The following CACNA1E variants were observed in gnomAD, a reference collection of about 807,000 sequenced individuals.
CACNA1E encodes the protein voltage-dependent R-type calcium channel subunit alpha-1E.
CACNA1E carries 40 observed loss-of-function variants against 259.2 expected under a neutral mutation model. The ratio of observed to expected loss-of-function variants is 0.15; its 90% CI spans 0.12 to 0.20. The LOEUF (loss-of-function observed/expected upper bound fraction) is 0.20. CACNA1E is among the 10% of genes least tolerant of loss of function. The pLI, the probability that CACNA1E is intolerant of heterozygous loss-of-function variation, is 1.00. For synonymous variants in CACNA1E, 1,104 were observed against 1,138.5 expected, an observed-to-expected ratio of 0.97 and a Z score of 0.61; for missense variants, 1,874 against 3,040.1, an observed-to-expected ratio of 0.62 and a Z score of 9.02.
chr1:181,606,495 A>G (rs550518620), intron 6 of CACNA1E, among the ~76,000 whole-genome samples: 8 of 152,258 alleles, frequency 5.3e-5, no homozygotes, highest in African/African-American at 1.9e-4. Context: ...TGACCTGGCC[A>G]CCATCTTCTT....
intron 6 of CACNA1E, among the ~76,000 whole-genome samples, chr1:181,619,341 G>C (rs1655516299): frequency 6.6e-6 from 1 of 152,104 alleles, no homozygotes; most frequent in South Asian, 2.1e-4. Context: ...AGAAAGAACA[G>C]CAAGTGTGAA....
At chr1:181,635,306 T>C (rs746614342) in intron 6 of CACNA1E, among the ~76,000 whole-genome samples, 14 of 152,164 alleles carry the variant, frequency 9.2e-5, no homozygotes, top group Non-Finnish European at 1.5e-4. Flanking sequence ...CCTGTTGCTA[T>C]GGCAGCAACC....
At chr1:181,339,288 A>G (rs1326800379) in intron 1 of CACNA1E, among the ~76,000 whole-genome samples, 6 of 152,086 alleles carry the variant, frequency 3.9e-5, no homozygotes, top group Non-Finnish European at 5.9e-5. Flanking sequence ...CTTCTAACCC[A>G]GAAACATGGG....
chr1:181,545,100 C>CA (rs372014673), intron 3 of CACNA1E, among the ~76,000 whole-genome samples: 44 of 146,620 alleles, frequency 3.0e-4, no homozygotes, highest in East Asian at 5.9e-4. Flanking sequence ...ATTTCAGCTC[C>CA]AAAAAAAAAA....
chr1:181,582,413 T>C (rs983760409), intron 6 of CACNA1E, among the ~76,000 whole-genome samples: 1 of 152,224 alleles, frequency 6.6e-6, no homozygotes, highest in Non-Finnish European at 1.5e-5. Flanking sequence ...CCTCTAGGAA[T>C]TGCAGCACTG....
chr1:181,717,394 C>A (rs2102462606), intron 11 of CACNA1E, 92 bp downstream of exon 11: 2 of 1,049,036 alleles, frequency 1.9e-6, no homozygotes, highest in South Asian at 1.3e-5. Flanking sequence ...AAGCACCCTG[C>A]TAGGAAAGGT....
In CACNA1E at chr1:181,558,642, C is replaced by T. The variant is rs138386487; in HGVS notation, c.513-19124C>T. Among the ~76,000 whole-genome samples the T allele has an allele frequency of 6.7e-3, 1,019 of 152,144 alleles. 8 individuals are homozygous for T. Among genetic ancestry groups the T allele is most frequent in the Admixed American group, 9.5e-3 (145 of 15,270 alleles). On this transcript the variant is annotated intron_variant, in intron 3 of 47. Coordinates refer to ENST00000367573, the MANE Select transcript of CACNA1E (RefSeq NM_001205293.3). Reference sequence around the variant, plus strand: ...GTTCAGGTGACTGGAGGGTGGCAGGCGGAGGCGTGGCAAGAGGCTGGAAGA... The same window carrying T: ...GTTCAGGTGACTGGAGGGTGGCAGGTGGAGGCGTGGCAAGAGGCTGGAAGA...
At chr1:181,537,089 T>C (rs7527782) in intron 3 of CACNA1E, among the ~76,000 whole-genome samples, 47,690 of 90,606 alleles carry the variant, frequency 0.53, 8,519 homozygotes, top group African/African-American at 0.56. Flanking sequence ...GGTTTCTTTT[T>C]CTTTTCTTTT....
intron 14 of CACNA1E, 138 bp downstream of exon 14, chr1:181,720,475 G>A (rs1232692124): frequency 1.0e-5 from 9 of 887,730 alleles, no homozygotes; most frequent in Non-Finnish European, 1.5e-5. Flanking sequence ...CACTGAGTGA[G>A]TTCATATGTG....
intron 1 of CACNA1E, among the ~76,000 whole-genome samples, chr1:181,346,425 G>C (rs1231072193): frequency 6.6e-6 from 1 of 152,182 alleles, no homozygotes; most frequent in Non-Finnish European, 1.5e-5. Flanking sequence ...TGTCTGATTT[G>C]TTGCCAGTAC....
At chr1:181,486,075 C>T (rs912974164) in intron 1 of CACNA1E, among the ~76,000 whole-genome samples, 1 of 152,230 alleles carries the variant, frequency 6.6e-6, no homozygotes, top group African/African-American at 2.4e-5. Context: ...TTTTCTCTTC[C>T]GCTGCAAAGA....
intron 1 of CACNA1E, among the ~76,000 whole-genome samples, chr1:181,342,242 G>C (rs901554597): frequency 1.3e-5 from 2 of 152,188 alleles, no homozygotes; most frequent in African/African-American, 4.8e-5. Context: ...AAGGGGACAA[G>C]GGGAAGAAGA....
intron 30 of CACNA1E, among the ~76,000 whole-genome samples, chr1:181,757,640 C>G (rs1190384064): frequency 6.6e-6 from 1 of 152,164 alleles, no homozygotes; most frequent in Non-Finnish European, 1.5e-5. Flanking sequence ...GTAGGTAGAT[C>G]TTTACTTCTG....
chr1:181,547,389 T>C (rs1040710287), intron 3 of CACNA1E, among the ~76,000 whole-genome samples: 1 of 152,224 alleles, frequency 6.6e-6, no homozygotes, highest in African/African-American at 2.4e-5. Flanking sequence ...GAATCCTCTA[T>C]CCTCTCCTCT....
chr1:181,399,910 C>T (rs1656969222), intron 1 of CACNA1E, among the ~76,000 whole-genome samples: 1 of 152,164 alleles, frequency 6.6e-6, no homozygotes, highest in Non-Finnish European at 1.5e-5. Flanking sequence ...CTAACAAAAC[C>T]CATGCCATAG....
In CACNA1E at chr1:181,497,336, TTCCACTG is replaced by T. The variant is rs556776638; in HGVS notation, c.267-13139_267-13133del. Among the ~76,000 whole-genome samples the T allele has an allele frequency of 4.7e-4, 71 of 152,336 alleles. 1 individual carries two copies. In the East Asian group the frequency reaches 0.013, roughly 27 times the overall value. ...TAGAACTTCTAACAGCTTTCTATACTTCCACTGTGAAAAAGGCTGGGTGCAGAACAAC... is the reference window on the plus strand; with the variant it reads ...TAGAACTTCTAACAGCTTTCTATACTTGAAAAAGGCTGGGTGCAGAACAAC... On this transcript the variant is annotated intron_variant, in intron 1 of 47. Coordinates refer to ENST00000367573, the MANE Select transcript of CACNA1E (RefSeq NM_001205293.3).
At position 181,732,941 on chromosome 1, in the gene CACNA1E, T is replaced by G. The variant is rs1007815714; in HGVS notation, c.2855T>G (p.Met952Arg). 2 of 1,613,960 alleles carry G rather than the reference T, an allele frequency of 1.2e-6. No individual in the cohort carries two copies. Among genetic ancestry groups the G allele is most frequent in the Non-Finnish European group, 1.7e-6 (2 of 1,179,874 alleles). ...CAGGAACGCAGTCTGGATGAAGCCA[T>G]GCCCACTGAAGGGGAGAAGGACCAT... ...ASQERSLDEA[M>R]PTEGEKDHEL... Residue 952 changes from methionine (M) to arginine (R), a missense_variant, in exon 20 of 48, where the codon ATG becomes AGG. By Grantham distance (91) the Met-to-Arg change is moderately conservative. Around this residue, in one of 14 missense-constraint regions of CACNA1E, gnomAD observed 476 missense variants for 514.0 expected, o/e 0.93. Coordinates refer to ENST00000367573, the MANE Select transcript of CACNA1E (RefSeq NM_001205293.3). This position sits in a 1 kb window ranked among gnomAD's most constrained non-coding sequence, Gnocchi z 5.5.
intron 6 of CACNA1E, among the ~76,000 whole-genome samples, chr1:181,604,954 C>T (rs891252971): frequency 1.3e-5 from 2 of 152,086 alleles, no homozygotes; most frequent in Non-Finnish European, 2.9e-5. Flanking sequence ...ATGAGAGAGG[C>T]CTCATTTGTC....
chr1:181,580,442 G>A (rs1651412010), intron 5 of CACNA1E, among the ~76,000 whole-genome samples, 153 bp from the exon 6 acceptor site: 1 of 152,216 alleles, frequency 6.6e-6, no homozygotes, highest in Non-Finnish European at 1.5e-5. Context: ...GGGAGGTGCA[G>A]AGAGGCCAGG....
Sources: allele counts gnomAD v4.1 joint callset (sites outside exome capture counted in the v4.1 genomes callset), GRCh38; gene constraint gnomAD v4.1.1; regional missense constraint gnomAD v4.1.1; non-coding constraint Gnocchi (gnomAD v3.1); transcripts MANE v1.5; gene names NCBI Gene and HGNC (gene_info 2026-07-23, HGNC 2026-07-21).